KCTD16: variants seen among roughly 807,000 people sequenced by gnomAD.
KCTD16 encodes potassium channel tetramerization domain containing 16.
In KCTD16, 13 loss-of-function variants were observed where a neutral mutation model predicts 33.2. The ratio of observed to expected loss-of-function variants is 0.39; its 90% confidence interval spans 0.25 to 0.62. KCTD16 has a LOEUF of 0.62. KCTD16 is among the 20% of genes least tolerant of loss of function. KCTD16 has a pLI of 0.50. For synonymous variants in KCTD16, 197 were observed against 195.3 expected, an observed-to-expected ratio of 1.01 and a Z score of -0.07; for missense variants, 441 against 525.1, an observed-to-expected ratio of 0.84 and a Z score of 1.57.
At chr5:144,465,752 G>A (rs1003778540) in intron 3 of KCTD16, among the ~76,000 whole-genome samples, 1 of 147,940 alleles carries the variant, frequency 6.8e-6, no homozygotes, top group East Asian at 2.0e-4. Context: ...GGGTTCTGTA[G>A]CTCTTGAACA....
chr5:144,283,338 A>T (rs1240309816), intron 3 of KCTD16, among the ~76,000 whole-genome samples: 1 of 152,202 alleles, frequency 6.6e-6, no homozygotes, highest in Non-Finnish European at 1.5e-5. Context: ...TAGTTGCCTT[A>T]TGCATGCTGT....
intron 3 of KCTD16, among the ~76,000 whole-genome samples, chr5:144,417,639 T>G (rs1481884848): frequency 1.3e-5 from 2 of 152,104 alleles, no homozygotes; most frequent in African/African-American, 4.8e-5. Flanking sequence ...TTTATTTTGT[T>G]TTTGTTTTTG....
At chr5:144,347,680 G>T (rs1334404875) in intron 3 of KCTD16, among the ~76,000 whole-genome samples, 1 of 152,154 alleles carries the variant, frequency 6.6e-6, no homozygotes, top group Non-Finnish European at 1.5e-5. Flanking sequence ...TGCAGGCAGA[G>T]GAAACAGCAA....
At chr5:144,349,029 T>C (rs1350668239) in intron 3 of KCTD16, among the ~76,000 whole-genome samples, 1 of 152,198 alleles carries the variant, frequency 6.6e-6, no homozygotes, top group Non-Finnish European at 1.5e-5. Flanking sequence ...GGGCTGTGAC[T>C]GCTCTTTCTT....
At chr5:144,423,101 T>A (rs1296397934) in intron 3 of KCTD16, among the ~76,000 whole-genome samples, 1 of 152,092 alleles carries the variant, frequency 6.6e-6, no homozygotes, top group African/African-American at 2.4e-5. Flanking sequence ...AAGTGTAAGT[T>A]CAAATGACCT....
chr5:144,209,834 A>G (rs945125067), intron 3 of KCTD16, among the ~76,000 whole-genome samples: 4 of 146,664 alleles, frequency 2.7e-5, no homozygotes, highest in African/African-American at 1.0e-4. Flanking sequence ...ATAAATATAT[A>G]TATATTTATA....
intron 3 of KCTD16, among the ~76,000 whole-genome samples, chr5:144,436,950 T>C (rs1315511645): frequency 6.6e-6 from 1 of 152,126 alleles, no homozygotes; most frequent in Non-Finnish European, 1.5e-5. Context: ...TATAATAATA[T>C]GTACTACTGG....
chr5:144,303,889 C>A (rs950772814), intron 3 of KCTD16, among the ~76,000 whole-genome samples: 17 of 152,292 alleles, frequency 1.1e-4, no homozygotes, highest in African/African-American at 4.1e-4. Context: ...GGAATTAGTT[C>A]TGTGGTCATT....
At chr5:144,392,043 T>A (rs1436488277) in intron 3 of KCTD16, among the ~76,000 whole-genome samples, 1 of 152,240 alleles carries the variant, frequency 6.6e-6, no homozygotes, top group Non-Finnish European at 1.5e-5. Flanking sequence ...AATGACTATA[T>A]AATTATAACT....
intron 3 of KCTD16, among the ~76,000 whole-genome samples, chr5:144,450,092 A>C (rs1753907379): frequency 6.6e-6 from 1 of 152,050 alleles, no homozygotes; most frequent in African/African-American, 2.4e-5. Flanking sequence ...AATTTCTATA[A>C]CCAAGCAGCA....
Position 144,199,707 on chromosome 5 carries a change from A to ATTTTTTTTT in KCTD16, c.-326-6662_-326-6654dup, listed in dbSNP as rs574670606. 3.1e-4 allele frequency among the ~76,000 whole-genome samples: 21 copies of ATTTTTTTTT among 67,726 alleles called. 2 individuals carry two copies. The highest frequency in any genetic ancestry group is 6.6e-4 in the Admixed American group (4 of 6,076). 44.4% of individuals were successfully genotyped at this position (67,726 alleles called of 152,430 possible). A position where few individuals can be genotyped will look rare whatever the true frequency, so the allele number is the denominator to read the frequency against. On this transcript the variant is annotated intron_variant, in intron 2 of 3. Transcript: ENST00000512467. ...TGACCATTTGTTCCAGAACAGCTTCATTTTTTTTTTTTTTTTTTTTTTTTT... is the reference window on the plus strand; with the variant it reads ...TGACCATTTGTTCCAGAACAGCTTCATTTTTTTTTTTTTTTTTTTTTTTTTTTTTTTTTT...
chr5:144,367,118 C>T (rs1751854896), intron 3 of KCTD16, among the ~76,000 whole-genome samples: 1 of 152,248 alleles, frequency 6.6e-6, no homozygotes, highest in Non-Finnish European at 1.5e-5. Context: ...CCCAGCAATC[C>T]TGTCTATCCT....
intron 3 of KCTD16, among the ~76,000 whole-genome samples, chr5:144,218,839 T>G (rs1380758294): frequency 6.6e-6 from 1 of 152,220 alleles, no homozygotes; most frequent in Non-Finnish European, 1.5e-5. Flanking sequence ...GTGGAATGTA[T>G]GGATAAATTA....
chr5:144,382,486 A>G (rs1033704571), intron 3 of KCTD16, among the ~76,000 whole-genome samples: 2 of 152,158 alleles, frequency 1.3e-5, no homozygotes, highest in African/African-American at 4.8e-5. Flanking sequence ...CGCCTCTGAC[A>G]CCATACTTAG....
chr5:144,238,350 A>C (rs1335563343), intron 3 of KCTD16, among the ~76,000 whole-genome samples: 1 of 152,098 alleles, frequency 6.6e-6, no homozygotes, highest in African/African-American at 2.4e-5. Context: ...AATGTCCCTT[A>C]AAATTCTAGT....
intron 3 of KCTD16, among the ~76,000 whole-genome samples, chr5:144,231,801 G>T (rs572240166): frequency 3.7e-4 from 57 of 152,244 alleles, no homozygotes; most frequent in Non-Finnish European, 7.5e-4. Flanking sequence ...CTTCCTCCAT[G>T]ATTGTAAGTT....
At chr5:144,295,200 T>A (rs1756002002) in intron 3 of KCTD16, among the ~76,000 whole-genome samples, 2 of 152,226 alleles carry the variant, frequency 1.3e-5, no homozygotes, top group Non-Finnish European at 1.5e-5. Context: ...GTAAGCATTT[T>A]AGCAGTAGTA....
rs545287261 is a variant in KCTD16, at chr5:144,483,179, C to T, written c.*9065C>T. The T allele has an allele frequency of 2.0e-5, 3 of 148,148 alleles. No homozygotes were observed. Among genetic ancestry groups the T allele is most frequent in the Non-Finnish European group, 4.5e-5 (3 of 67,114 alleles). The allele number at this position is 148,148 out of a possible 1,614,324, so 9.2% of individuals were successfully genotyped here. On this transcript the variant is annotated 3_prime_UTR_variant, in exon 4 of 4. Coordinates refer to ENST00000512467, the MANE Select transcript of KCTD16 (RefSeq NM_020768.4). The stretch of plus-strand genomic sequence containing the variant: ...ACCAAACCAGAAAAAACCCAAAACA[C>T]TACCAAATGAACAGTGATAATGTTT...
intron 3 of KCTD16, among the ~76,000 whole-genome samples, chr5:144,229,701 C>T (rs11743111): frequency 2.6e-5 from 4 of 152,140 alleles, no homozygotes; most frequent in Admixed American, 6.5e-5. Context: ...CTCTCTTACC[C>T]ACTGTGCATA....
Sources: gnomAD v4.1 joint callset for allele counts (sites outside exome capture counted in the v4.1 genomes callset) on GRCh38, gnomAD v4.1.1 for gene constraint, MANE v1.5 for transcripts, NCBI Gene and HGNC (gene_info 2026-07-23, HGNC 2026-07-21) for gene names.